The following SYNJ1 variants were observed in gnomAD, a reference collection of about 807,000 sequenced individuals.
SYNJ1 encodes polyphosphatidylinositol phosphatase SYNJ1.
Under a neutral mutation model 168.2 loss-of-function variants are expected in SYNJ1, and 78 were observed. That is an observed-to-expected ratio of 0.46 (90% CI 0.39 to 0.56). The LOEUF (loss-of-function observed/expected upper bound fraction) is 0.56, where lower values mean the gene tolerates loss of function less well. Among genes scored for constraint, SYNJ1 ranks in the 20% least tolerant of loss-of-function variants. The pLI is 0.00. For missense variants in SYNJ1, 1,303 were observed against 1,597.6 expected (o/e 0.82, Z 3.14); for synonymous variants, 539 against 548.6 (o/e 0.98, Z 0.24).
chr21:32,642,304 T>C (rs2039876392), intron 27 of SYNJ1, among the ~76,000 whole-genome samples, 171 bp from the exon 28 acceptor site: 1 of 152,178 alleles, frequency 6.6e-6, no homozygotes, highest in Admixed American at 6.5e-5. Flanking sequence ...CAGTCCTGAA[T>C]GAAATACTCC....
intron 2 of SYNJ1, among the ~76,000 whole-genome samples, chr21:32,710,404 TA>T (rs1297937847): frequency 6.6e-6 from 1 of 152,070 alleles, no homozygotes; most frequent in African/African-American, 2.4e-5. Context: ...AGGAGAGAGA[TA>T]ACTCTGGCCA....
At chr21:32,647,840 TC>T (rs2040132057) in intron 23 of SYNJ1, among the ~76,000 whole-genome samples, 1 of 152,132 alleles carries the variant, frequency 6.6e-6, no homozygotes. Context: ...TGCTTTTCAG[TC>T]TCTTCTGGCC....
chr21:32,690,786 G>A (rs1230582613), intron 6 of SYNJ1, among the ~76,000 whole-genome samples: 1 of 152,184 alleles, frequency 6.6e-6, no homozygotes, highest in African/African-American at 2.4e-5. Flanking sequence ...GCTGGGCATG[G>A]TGGCACATGC....
chr21:32,677,060 G>A (rs1161793207), intron 12 of SYNJ1, among the ~76,000 whole-genome samples: 1 of 152,200 alleles, frequency 6.6e-6, no homozygotes, highest in Non-Finnish European at 1.5e-5. Context: ...ATCAGGCAGA[G>A]TGCAGCTTGT....
At chr21:32,696,874 T>C (rs1241571605) in intron 4 of SYNJ1, among the ~76,000 whole-genome samples, 1 of 152,192 alleles carries the variant, frequency 6.6e-6, no homozygotes, top group Non-Finnish European at 1.5e-5. Context: ...ACAGGGATAA[T>C]GTTAAATCTG....
chr21:32,679,202 T>C (rs1411004440), intron 11 of SYNJ1, among the ~76,000 whole-genome samples: 1 of 152,146 alleles, frequency 6.6e-6, no homozygotes, highest in African/African-American at 2.4e-5. Flanking sequence ...TAAAAGAAGA[T>C]ACACTGAGCT....
At chr21:32,676,434 A>T in intron 12 of SYNJ1, 79 bp from the exon 13 acceptor site, 1 of 1,406,066 alleles carries the variant, frequency 7.1e-7, no homozygotes, top group Non-Finnish European at 9.8e-7. Flanking sequence ...TAGTGACAAA[A>T]CATTTTGAGA....
At chr21:32,649,611 C>T (rs1436178419) in intron 23 of SYNJ1, among the ~76,000 whole-genome samples, 1 of 152,158 alleles carries the variant, frequency 6.6e-6, no homozygotes, top group South Asian at 2.1e-4. Context: ...CTAAACCATA[C>T]ACCAACAATA....
At chr21:32,698,060 CA>C in intron 4 of SYNJ1, among the ~76,000 whole-genome samples, 1 of 152,236 alleles carries the variant, frequency 6.6e-6, no homozygotes, top group East Asian at 1.9e-4. Flanking sequence ...CAATGCTTCA[CA>C]AAAGTACATC....
At chr21:32,651,877 G>C (rs1037751162) in intron 22 of SYNJ1, among the ~76,000 whole-genome samples, 1 of 152,174 alleles carries the variant, frequency 6.6e-6, no homozygotes, top group African/African-American at 2.4e-5. Flanking sequence ...TGACATATTT[G>C]TTTAAGATGT....
Position 32,688,391 on chromosome 21 carries a change from A to G in SYNJ1, c.790-24T>C, listed in dbSNP as rs1171328207. ...ACCTTAGACAAGAAAAATATATTTA[A>G]TCAAACCAAAAACCAACATATAGAC... On this transcript the variant is annotated intron_variant, in intron 6 of 32. Coordinates refer to ENST00000674351, the MANE Select transcript of SYNJ1 (RefSeq NM_203446.3). 1.7e-5 allele frequency: 27 copies of G among 1,605,462 alleles called. No individual in the cohort carries two copies. The East Asian group carries it at 6.0e-4, about 36-fold the overall frequency.
chr21:32,709,118 G>C (rs1363008964), intron 2 of SYNJ1, among the ~76,000 whole-genome samples: 7 of 152,130 alleles, frequency 4.6e-5, no homozygotes. Context: ...TCTTACTTAT[G>C]TATTAGAAAT....
chr21:32,709,489 A>AC (rs1324176804), intron 2 of SYNJ1, among the ~76,000 whole-genome samples: 6 of 150,820 alleles, frequency 4.0e-5, no homozygotes, highest in African/African-American at 1.5e-4. Context: ...AAAAAAAAAA[A>AC]AAAAAAAAAA....
chr21:32,697,970 A>G (rs1407316098), intron 4 of SYNJ1, among the ~76,000 whole-genome samples: 4 of 152,214 alleles, frequency 2.6e-5, no homozygotes, highest in African/African-American at 4.8e-5. Context: ...CAACACATTT[A>G]CCTTTTCAAG....
intron 3 of SYNJ1, among the ~76,000 whole-genome samples, chr21:32,700,337 C>T (rs1430046240): frequency 6.6e-6 from 1 of 152,134 alleles, no homozygotes; most frequent in Non-Finnish European, 1.5e-5. Context: ...TGTTCCTGAA[C>T]TTATTCTGAG....
chr21:32,704,920 T>C (rs989721308), intron 2 of SYNJ1, among the ~76,000 whole-genome samples: 3 of 151,734 alleles, frequency 2.0e-5, no homozygotes, highest in Non-Finnish European at 2.9e-5. Context: ...GAGGCCCAGG[T>C]GGGCGGATTA....
chr21:32,677,789 C>A (rs560816470), intron 12 of SYNJ1, among the ~76,000 whole-genome samples: 1 of 152,264 alleles, frequency 6.6e-6, no homozygotes, highest in African/African-American at 2.4e-5. Flanking sequence ...ACTTATTTGA[C>A]CAAGTAATTA....
intron 2 of SYNJ1, among the ~76,000 whole-genome samples, chr21:32,726,128 C>T (rs1313618839): frequency 3.3e-5 from 5 of 152,220 alleles, no homozygotes; most frequent in Admixed American, 3.3e-4. Context: ...GCGTGAGCCC[C>T]CACACCTGGC....
At chr21:32,727,911 C>G (rs1356791843) in intron 1 of SYNJ1, 35 bp downstream of exon 1, 5 of 1,531,318 alleles carry the variant, frequency 3.3e-6, no homozygotes, top group Non-Finnish European at 4.4e-6. Flanking sequence ...TGGGTCTGGC[C>G]GCAGCAGCTC....
Sources: gnomAD v4.1 joint callset for allele counts (sites outside exome capture counted in the v4.1 genomes callset) on GRCh38, gnomAD v4.1.1 for gene constraint, MANE v1.5 for transcripts, NCBI Gene and HGNC (gene_info 2026-07-23, HGNC 2026-07-21) for gene names.